The following PTPRT variants were observed in gnomAD, a reference collection of about 807,000 sequenced individuals.
The protein encoded by PTPRT is protein tyrosine phosphatase receptor type T, also known as receptor-type tyrosine-protein phosphatase T.
In PTPRT, 56 loss-of-function variants were observed where a neutral mutation model predicts 176.8. The observed-to-expected ratio is 0.32, with a 90% CI of 0.26 to 0.40. The LOEUF (loss-of-function observed/expected upper bound fraction) is 0.40, where lower values mean the gene tolerates loss of function less well. Ranked by LOEUF, PTPRT falls within the 10% of genes least tolerant of loss-of-function variation. The pLI is 1.00. For missense variants in PTPRT, 1,540 were observed against 1,908.2 expected (o/e 0.81, Z 3.60); for synonymous variants, 783 against 739.0 (o/e 1.06, Z -0.96).
intron 13 of PTPRT, among the ~76,000 whole-genome samples, chr20:42,254,682 G>T (rs79295411): frequency 0.017 from 2,569 of 152,288 alleles, 37 homozygotes; most frequent in Non-Finnish European, 0.026. Flanking sequence ...GAGCTAATCA[G>T]CTAAGGCTAA....
At chr20:42,101,953 C>T (rs1985979365) in intron 26 of PTPRT, among the ~76,000 whole-genome samples, 171 bp downstream of exon 26, 1 of 152,146 alleles carries the variant, frequency 6.6e-6, no homozygotes, top group Admixed American at 6.5e-5. Flanking sequence ...CACCTTGTGT[C>T]TAGGTTTGGA....
intron 1 of PTPRT, among the ~76,000 whole-genome samples, chr20:43,045,454 C>CCTTT (rs1177406632): frequency 5.0e-5 from 6 of 119,332 alleles, no homozygotes; most frequent in East Asian, 2.3e-4. Flanking sequence ...TTCTTTTTTT[C>CCTTT]ATTTTTTTTT....
At chr20:42,701,308 AG>A (rs778487746) in intron 6 of PTPRT, among the ~76,000 whole-genome samples, 3 of 152,220 alleles carry the variant, frequency 2.0e-5, no homozygotes, top group Non-Finnish European at 4.4e-5. Context: ...AGAGAAAGGC[AG>A]GGAAGGTCAC....
chr20:42,349,789 A>T (rs2058249330), intron 11 of PTPRT, among the ~76,000 whole-genome samples: 2 of 152,218 alleles, frequency 1.3e-5, no homozygotes. Flanking sequence ...CAAAACCGGC[A>T]GTCAATATTG....
At chr20:42,237,897 T>C (rs2146865769) in intron 14 of PTPRT, among the ~76,000 whole-genome samples, 1 of 152,342 alleles carries the variant, frequency 6.6e-6, no homozygotes, top group South Asian at 2.1e-4. Flanking sequence ...TCTTGAACTA[T>C]TTGATTACTT....
Position 42,846,989 on chromosome 20 carries a change from C to T in PTPRT, c.214+38818G>A, listed in dbSNP as rs147813048. Among the ~76,000 whole-genome samples, 377 of 152,286 alleles carry T rather than the reference C, an allele frequency of 2.5e-3. 1 individual carries two copies. Among genetic ancestry groups the T allele is most frequent in the African/African-American group, 8.7e-3 (363 of 41,564 alleles). On this transcript the variant is annotated intron_variant, in intron 2 of 30. Transcript: ENST00000373187. The stretch of plus-strand genomic sequence containing the variant: ...AGAAAACAATGGGGCCATTCTATGC[C>T]TGTGTTTTCTCATTTTAAAAATGAG...
chr20:43,043,589 T>C (rs563012692), intron 1 of PTPRT, among the ~76,000 whole-genome samples: 1 of 152,270 alleles, frequency 6.6e-6, no homozygotes, highest in African/African-American at 2.4e-5. Flanking sequence ...ACAGCCTACA[T>C]GCAGCCAACC....
intron 7 of PTPRT, among the ~76,000 whole-genome samples, chr20:42,564,536 A>G (rs189390066): frequency 1.5e-4 from 23 of 152,336 alleles, no homozygotes; most frequent in African/African-American, 4.8e-4. Flanking sequence ...ATGAGAACAC[A>G]TGGACACAGG....
intron 9 of PTPRT, among the ~76,000 whole-genome samples, chr20:42,418,961 T>A: frequency 6.6e-6 from 1 of 152,180 alleles, no homozygotes; most frequent in Admixed American, 6.5e-5. Context: ...GGAGAGAGAT[T>A]TGTCTGTTTG....
At chr20:42,877,822 A>G (rs952944920) in intron 2 of PTPRT, among the ~76,000 whole-genome samples, 3 of 152,146 alleles carry the variant, frequency 2.0e-5, no homozygotes, top group African/African-American at 7.2e-5. Flanking sequence ...GGACCATTCT[A>G]TTCGACAATA....
intron 2 of PTPRT, among the ~76,000 whole-genome samples, chr20:42,846,769 A>G (rs943841874): frequency 6.6e-6 from 1 of 152,116 alleles, no homozygotes; most frequent in African/African-American, 2.4e-5. Context: ...TGGAAAGTTG[A>G]GATAAGGACT....
chr20:43,120,650 T>C (rs973387408), intron 1 of PTPRT, among the ~76,000 whole-genome samples: 7 of 152,210 alleles, frequency 4.6e-5, no homozygotes, highest in Non-Finnish European at 7.3e-5. Flanking sequence ...AGTGTGTGCA[T>C]GTTGCTGCAC....
At chr20:42,806,347 G>C (rs1178479728) in intron 2 of PTPRT, among the ~76,000 whole-genome samples, 1 of 152,020 alleles carries the variant, frequency 6.6e-6, no homozygotes, top group East Asian at 1.9e-4. Context: ...AGCTGTGCAT[G>C]GTGGCGCACG....
At chr20:42,454,721 C>T (rs572565828) in intron 8 of PTPRT, among the ~76,000 whole-genome samples, 1 of 152,090 alleles carries the variant, frequency 6.6e-6, no homozygotes, top group South Asian at 2.1e-4. Context: ...TTTATGTTAC[C>T]TTTGAATATG....
At chr20:42,866,763 G>A (rs2078753287) in intron 2 of PTPRT, among the ~76,000 whole-genome samples, 1 of 152,112 alleles carries the variant, frequency 6.6e-6, no homozygotes. Flanking sequence ...ATTGGTTTGA[G>A]TATTTGCCTC....
chr20:42,905,362 A>G (rs2079461125), intron 1 of PTPRT, among the ~76,000 whole-genome samples: 2 of 152,214 alleles, frequency 1.3e-5, no homozygotes, highest in South Asian at 4.1e-4. Flanking sequence ...CAAAACCACA[A>G]TGACATACCA....
intron 1 of PTPRT, among the ~76,000 whole-genome samples, chr20:43,158,710 A>T (rs772325074): frequency 1.3e-5 from 2 of 152,194 alleles, no homozygotes; most frequent in Non-Finnish European, 1.5e-5. Context: ...CAATACTGGT[A>T]CTCACCAAGG....
In PTPRT at chr20:42,264,532, C is replaced by T. The variant is rs543219437; in HGVS notation, c.2177-15710G>A. On this transcript the variant is annotated intron_variant, in intron 13 of 30. Transcript: ENST00000373187. Reference sequence around the variant, plus strand: ...TCCTCTGCAATGATCAGCCTGGCTCCTGGATGTCACCTGCCCTCGTGGCCT... The same window carrying T: ...TCCTCTGCAATGATCAGCCTGGCTCTTGGATGTCACCTGCCCTCGTGGCCT... Among the ~76,000 whole-genome samples the T allele has an allele frequency of 9.2e-5, 14 of 152,324 alleles. No homozygotes were observed. The South Asian group carries it at 2.5e-3, about 27-fold the overall frequency.
chr20:42,372,070 A>G (rs1170646963), intron 9 of PTPRT, among the ~76,000 whole-genome samples: 1 of 151,996 alleles, frequency 6.6e-6, no homozygotes, highest in Non-Finnish European at 1.5e-5. Flanking sequence ...GTATCAAGAG[A>G]CTCCAAACAT....
Sources: allele counts gnomAD v4.1 joint callset (sites outside exome capture counted in the v4.1 genomes callset), GRCh38; gene constraint gnomAD v4.1.1; transcripts MANE v1.5; gene names NCBI Gene and HGNC (gene_info 2026-07-23, HGNC 2026-07-21).